The following PKHD1 variants were observed in gnomAD, a reference collection of about 807,000 sequenced individuals.
PKHD1 encodes the protein fibrocystin.
A neutral mutation model predicts 412.0 loss-of-function variants in PKHD1; 291 were observed. The observed-to-expected ratio is 0.71, with a 90% CI of 0.64 to 0.78. PKHD1 has a LOEUF of 0.78. Ranked by LOEUF, PKHD1 falls within the 30% of genes least tolerant of loss-of-function variation. The probability of loss-of-function intolerance (pLI) is 0.00; values close to 1 mark genes in which losing one functional copy is unlikely to be tolerated. For missense variants in PKHD1, 4,825 were observed against 4,950.7 expected (o/e 0.97, Z 0.76); for synonymous variants, 1,777 against 1,821.5 (o/e 0.98, Z 0.62).
At chr6:51,746,681 C>T (rs1218165062) in intron 59 of PKHD1, 40 bp downstream of exon 59, 3 of 1,304,626 alleles carry the variant, frequency 2.3e-6, no homozygotes, top group Admixed American at 3.4e-5. Flanking sequence ...TTGCCAAGTA[C>T]TTCATAAATA....
At chr6:52,076,255 T>C in intron 6 of PKHD1, 21 bp downstream of exon 6, 1 of 1,556,786 alleles carries the variant, frequency 6.4e-7, no homozygotes, top group Non-Finnish European at 8.9e-7. Flanking sequence ...ATTATTCCTA[T>C]TTTAATAGAA....
At chr6:51,733,763 T>C (rs1244264037) in intron 60 of PKHD1, among the ~76,000 whole-genome samples, 1 of 152,120 alleles carries the variant, frequency 6.6e-6, no homozygotes, top group Admixed American at 6.5e-5. Flanking sequence ...AAGACTTATA[T>C]GAAACCTGGA....
chr6:51,797,271 T>C (rs1331916504), intron 52 of PKHD1, among the ~76,000 whole-genome samples: 1 of 152,210 alleles, frequency 6.6e-6, no homozygotes, highest in Admixed American at 6.5e-5. Context: ...ACAAGGTATA[T>C]GCCTTTGTTT....
intron 36 of PKHD1, among the ~76,000 whole-genome samples, chr6:51,950,220 A>AATATATATATATATATATATATATATAT (rs1333126139): frequency 2.0e-5 from 2 of 98,328 alleles, no homozygotes; most frequent in Non-Finnish European, 3.9e-5. Flanking sequence ...GAAAAAAAAA[A>AATATATATATATATATATATATATATAT]ATATATATAT....
chr6:51,853,049 G>A (rs1419456339), intron 49 of PKHD1, among the ~76,000 whole-genome samples: 5 of 152,056 alleles, frequency 3.3e-5, no homozygotes, highest in African/African-American at 1.2e-4. Context: ...GGCTGGTACC[G>A]GTTTTTCCTT....
intron 60 of PKHD1, among the ~76,000 whole-genome samples, chr6:51,664,578 T>C (rs1773408203): frequency 6.6e-6 from 1 of 152,216 alleles, no homozygotes; most frequent in Admixed American, 6.5e-5. Flanking sequence ...AACATTTATT[T>C]GGATTCCTTG....
At chr6:51,750,225 G>A (rs1288375358) in intron 57 of PKHD1, among the ~76,000 whole-genome samples, 1 of 152,080 alleles carries the variant, frequency 6.6e-6, no homozygotes, top group Non-Finnish European at 1.5e-5. Context: ...TGCTATTGAG[G>A]AGGCATTCGT....
chr6:51,881,047 A>T (rs1777242033), intron 46 of PKHD1, among the ~76,000 whole-genome samples: 1 of 147,736 alleles, frequency 6.8e-6, no homozygotes. Flanking sequence ...TCCCATAACC[A>T]CAGAGGTCAG....
At chr6:51,833,217 A>G (rs1174050850) in intron 51 of PKHD1, among the ~76,000 whole-genome samples, 1 of 152,144 alleles carries the variant, frequency 6.6e-6, no homozygotes, top group East Asian at 1.9e-4. Flanking sequence ...AGTTACTCCA[A>G]TTTTATATCA....
intron 52 of PKHD1, among the ~76,000 whole-genome samples, chr6:51,816,753 T>A (rs561294150): frequency 6.6e-6 from 1 of 152,326 alleles, no homozygotes; most frequent in South Asian, 2.1e-4. Context: ...TTTCTGTATA[T>A]CACTTTCCTT....
intron 35 of PKHD1, among the ~76,000 whole-genome samples, chr6:52,003,541 G>T (rs1445562462): frequency 6.6e-6 from 1 of 151,980 alleles, no homozygotes. Flanking sequence ...CCAAAATCTG[G>T]TTTTTCTCCC....
intron 61 of PKHD1, among the ~76,000 whole-genome samples, chr6:51,655,494 A>C (rs1006878871): frequency 3.3e-5 from 5 of 152,126 alleles, no homozygotes; most frequent in African/African-American, 1.2e-4. Context: ...ACCCAGACAC[A>C]CACTCCCACA....
At chr6:51,670,410 C>T (rs924069756) in intron 60 of PKHD1, among the ~76,000 whole-genome samples, 17 of 151,748 alleles carry the variant, frequency 1.1e-4, no homozygotes, top group Non-Finnish European at 1.9e-4. Flanking sequence ...GTAGATCTTC[C>T]TCCATCCTTT....
intron 36 of PKHD1, among the ~76,000 whole-genome samples, chr6:51,948,673 T>C (rs1055846917): frequency 6.6e-6 from 1 of 151,516 alleles, no homozygotes; most frequent in Non-Finnish European, 1.5e-5. Flanking sequence ...TAACGAGGAG[T>C]TGAAATTATC....
At chr6:51,739,982 CTACCTG>C (rs1476725412) in intron 60 of PKHD1, 1 of 518,906 alleles carries the variant, frequency 1.9e-6, no homozygotes, top group Admixed American at 1.9e-5. Context: ...CTGCCTAATT[CTACCTG>C]AATGGGACAT....
intron 66 of PKHD1, among the ~76,000 whole-genome samples, chr6:51,620,802 A>ATATATATATG (rs1554164005): frequency 1.7e-4 from 24 of 141,556 alleles, no homozygotes; most frequent in Non-Finnish European, 3.1e-4. Context: ...ATATATATGT[A>ATATATATATG]TATATATATA....
intron 60 of PKHD1, among the ~76,000 whole-genome samples, chr6:51,690,878 A>G (rs991833969): frequency 7.9e-5 from 12 of 152,220 alleles, no homozygotes; most frequent in African/African-American, 2.9e-4. Flanking sequence ...TAAACAGTCA[A>G]CCTACAGAAT....
intron 50 of PKHD1, among the ~76,000 whole-genome samples, chr6:51,845,296 C>G (rs576043828): frequency 6.6e-6 from 1 of 152,340 alleles, no homozygotes; most frequent in Admixed American, 6.5e-5. Flanking sequence ...TGGCGCACTG[C>G]CATGGAGGAG....
At chr6:52,004,251 T>C (rs1798785693) in intron 35 of PKHD1, among the ~76,000 whole-genome samples, 1 of 152,172 alleles carries the variant, frequency 6.6e-6, no homozygotes, top group African/African-American at 2.4e-5. Context: ...TCACTGATCT[T>C]GTCTTCTGCA....
Sources: gnomAD v4.1 joint callset for allele counts (sites outside exome capture counted in the v4.1 genomes callset) on GRCh38, gnomAD v4.1.1 for gene constraint, MANE v1.5 for transcripts, NCBI Gene and HGNC (gene_info 2026-07-23, HGNC 2026-07-21) for gene names.